PIGN: variants seen among roughly 807,000 people sequenced by gnomAD.
The protein encoded by PIGN is GPI ethanolamine phosphate transferase 1.
PIGN carries 117 observed loss-of-function variants against 125.4 expected under a neutral mutation model. The ratio of observed to expected loss-of-function variants is 0.93; its 90% CI spans 0.80 to 1.09. The LOEUF (loss-of-function observed/expected upper bound fraction) is 1.09. Among genes scored for constraint, PIGN ranks in the 50% least tolerant of loss-of-function variants. The pLI is 0.00. For missense variants in PIGN, 1,075 were observed against 1,094.9 expected (o/e 0.98, Z 0.26); for synonymous variants, 392 against 377.8 (o/e 1.04, Z -0.44).
chr18:62,102,377 A>T (rs78864167), intron 21 of PIGN, among the ~76,000 whole-genome samples: 1,734 of 150,316 alleles, frequency 0.012, 20 homozygotes, highest in East Asian at 0.072. Context: ...GCCACCAACC[A>T]TGCTGAAGTT....
intron 30 of PIGN, chr18:62,051,881 C>G (rs1478159518): frequency 6.6e-6 from 1 of 152,016 alleles, no homozygotes; most frequent in Non-Finnish European, 1.5e-5. Flanking sequence ...GAATGTGTCC[C>G]AGAGATTCTG....
rs1309292173 is a variant in PIGN at position 62,113,192 on chromosome 18, G to A, written c.1376C>T (p.Ser459Phe). The A allele has an allele frequency of 6.2e-7, 1 of 1,612,434 alleles. No individual in the cohort carries two copies. The highest frequency in any genetic ancestry group is 8.5e-7 in the Non-Finnish European group (1 of 1,179,246). The stretch of plus-strand genomic sequence containing the variant: ...GGAATGAGACTTGATGATCAACAAA[G>A]AGGCATAAGATATCCATCCCACAAA... ...IGFVGWISYASLLIIKSHSNL... is the reference protein window; with the variant it reads ...IGFVGWISYAFLLIIKSHSNL... Residue 459 changes from serine to phenylalanine, a missense_variant, in exon 16 of 31, where the codon TCT becomes TTT. Physicochemically the swap from Ser to Phe is radical, Grantham distance 155. This residue lies in a region of PIGN where 915 missense variants were observed against 908.7 expected (regional missense o/e 1.01). Transcript: ENST00000640252.
chr18:62,133,668 C>T (rs1228863304), intron 14 of PIGN, among the ~76,000 whole-genome samples: 1 of 152,018 alleles, frequency 6.6e-6, no homozygotes, highest in Non-Finnish European at 1.5e-5. Flanking sequence ...TTACAATATA[C>T]ATTTCTCATT....
chr18:62,073,710 A>G (rs2033019372), intron 29 of PIGN, among the ~76,000 whole-genome samples: 1 of 152,186 alleles, frequency 6.6e-6, no homozygotes, highest in African/African-American at 2.4e-5. Context: ...AAACCGAGTG[A>G]CTAGGAATCT....
Position 62,045,890 on chromosome 18 carries a change from C to CT in PIGN, c.2761dup (p.Arg921LysfsTer24), listed in dbSNP as rs1257808212. On this transcript the variant is annotated frameshift_variant, in exon 31 of 31. Transcript: ENST00000640252. LOFTEE classifies it high-confidence loss of function. The stretch of plus-strand genomic sequence containing the variant: ...GTGACTTTTGGGTTTGCCACATAGT[C>CT]TGAGTTTCTTCGTTGTGAGCAGCTG... The CT allele has an allele frequency of 4.3e-6, 7 of 1,613,730 alleles. No individual in the cohort carries two copies. The highest frequency in any genetic ancestry group is 5.9e-6 in the Non-Finnish European group (7 of 1,179,828).
chr18:62,140,480 CT>C lies in PIGN; in HGVS notation c.964-2del. 1 of 1,528,440 alleles carries C rather than the reference CT, an allele frequency of 6.5e-7. No individual in the cohort carries two copies. The highest frequency in any genetic ancestry group is 9.0e-7 in the Non-Finnish European group (1 of 1,115,852). The allele number at this position is 1,528,440 out of a possible 1,614,324, so 94.7% of individuals were successfully genotyped here. On this transcript the variant is annotated splice_acceptor_variant, in intron 11 of 30. Transcript: ENST00000640252. LOFTEE classifies it high-confidence loss of function. ...AAGTCATCAATGGTGCAATATCAGC[CT>C]ACAAATAAAAAAGCTCAATTCTAAG... is the stretch of plus-strand genomic sequence containing the variant.
At chr18:62,108,904 T>G (rs1242721433) in intron 17 of PIGN, among the ~76,000 whole-genome samples, 2 of 152,174 alleles carry the variant, frequency 1.3e-5, no homozygotes, top group African/African-American at 4.8e-5. Context: ...GAAATATTTT[T>G]AATACATCAT....
chr18:62,025,261 CTTGGT>C (rs2030103131), intron 23 of PIGN, among the ~76,000 whole-genome samples: 3 of 152,144 alleles, frequency 2.0e-5, no homozygotes, highest in African/African-American at 7.2e-5. Flanking sequence ...GCCAGTTCAA[CTTGGT>C]TTGTTTTCAG....
At chr18:62,048,496 T>A (rs573032419) in intron 30 of PIGN, among the ~76,000 whole-genome samples, 1 of 151,850 alleles carries the variant, frequency 6.6e-6, no homozygotes, top group South Asian at 2.1e-4. Context: ...AGATTTCTCA[T>A]CAGAAAATAT....
Position 62,147,054 on chromosome 18 carries a change from A to T in PIGN, c.722T>A (p.Ile241Asn), listed in dbSNP as rs1330042939. The change falls in exon 9 of 31, where the codon ATC becomes AAC. Residue 241 changes from isoleucine (I) to asparagine (N), a missense_variant. Around this residue, in one of 3 missense-constraint regions of PIGN, gnomAD observed 915 missense variants for 908.7 expected, o/e 1.01. Coordinates refer to ENST00000640252, the MANE Select transcript of PIGN (RefSeq NM_176787.5). Reference sequence around the variant, plus strand: ...ATAGAAGTGGTTAAACATAGACACGATTTCTTTAACTCCATCATCAACTTT... The same window carrying T: ...ATAGAAGTGGTTAAACATAGACACGTTTTCTTTAACTCCATCATCAACTTT... Reference protein sequence around the residue: ...IKKVDDGVKEIVSMFNHFYGN... With the variant: ...IKKVDDGVKENVSMFNHFYGN... The T allele has an allele frequency of 6.2e-7, 1 of 1,609,234 alleles. No homozygotes were observed. The highest frequency in any genetic ancestry group is 1.7e-5 in the Admixed American group (1 of 59,834).
At chr18:62,088,104 ATG>A (rs967014325) in intron 25 of PIGN, among the ~76,000 whole-genome samples, 1 of 152,222 alleles carries the variant, frequency 6.6e-6, no homozygotes, top group Admixed American at 6.5e-5. Flanking sequence ...TCATTTTACA[ATG>A]TATACATATA....
In PIGN at chr18:62,045,817, A is replaced by C. The variant is rs747110954; in HGVS notation, c.*39T>G. ...CTTGATGAGATTTTAGCTTAAAAGG[A>C]GAATCAGGATCCAGATGCTGAATGG... On this transcript the variant is annotated 3_prime_UTR_variant, in exon 31 of 31. Coordinates refer to ENST00000640252, the MANE Select transcript of PIGN (RefSeq NM_176787.5). The C allele has an allele frequency of 6.2e-7, 1 of 1,607,986 alleles. No individual in the cohort carries two copies. Among genetic ancestry groups the C allele is most frequent in the Non-Finnish European group, 8.5e-7 (1 of 1,175,546 alleles).
chr18:62,150,740 G>A (rs745918968), intron 7 of PIGN, among the ~76,000 whole-genome samples: 8 of 151,858 alleles, frequency 5.3e-5, no homozygotes, highest in East Asian at 1.9e-4. Flanking sequence ...TCACTCTGTC[G>A]CCAGGCTGGA....
chr18:62,083,298 G>A (rs960135261), intron 27 of PIGN, among the ~76,000 whole-genome samples: 12 of 152,016 alleles, frequency 7.9e-5, no homozygotes, highest in African/African-American at 2.9e-4. Flanking sequence ...TAAAGCTATA[G>A]TAAAATTTAT....
chr18:62,057,905 T>C (rs1357779483), intron 30 of PIGN, among the ~76,000 whole-genome samples: 1 of 152,166 alleles, frequency 6.6e-6, no homozygotes. Context: ...AATTAATAAA[T>C]AAAGACTGCA....
intron 30 of PIGN, among the ~76,000 whole-genome samples, chr18:62,051,230 A>T (rs1399565594): frequency 6.6e-6 from 1 of 152,092 alleles, no homozygotes; most frequent in Non-Finnish European, 1.5e-5. Context: ...TGAGTTAGGG[A>T]GGATTCCCTC....
At chr18:62,129,005 G>A (rs1005860355) in intron 14 of PIGN, among the ~76,000 whole-genome samples, 1 of 152,100 alleles carries the variant, frequency 6.6e-6, no homozygotes, top group African/African-American at 2.4e-5. Context: ...ACAATGCAAA[G>A]CCAATATTGG....
At chr18:62,185,125 A>G (rs2037850082) in intron 1 of PIGN, among the ~76,000 whole-genome samples, 1 of 152,194 alleles carries the variant, frequency 6.6e-6, no homozygotes, top group South Asian at 2.1e-4. Context: ...ATTGTATATA[A>G]ACAATCCATT....
At chr18:62,183,052 G>A (rs1044676534) in intron 1 of PIGN, among the ~76,000 whole-genome samples, 1 of 152,128 alleles carries the variant, frequency 6.6e-6, no homozygotes, top group Non-Finnish European at 1.5e-5. Context: ...TCTAGTTAAT[G>A]ATGATATATT....
Sources: gnomAD v4.1 joint callset for allele counts (sites outside exome capture counted in the v4.1 genomes callset) on GRCh38, gnomAD v4.1.1 for gene constraint, gnomAD v4.1.1 regional missense constraint, MANE v1.5 for transcripts, NCBI Gene and HGNC (gene_info 2026-07-23, HGNC 2026-07-21) for gene names.